Variants in IL1RAPL1 observed in about 807,000 individuals in gnomAD.
IL1RAPL1 encodes the protein interleukin 1 receptor accessory protein like 1, also known as interleukin-1 receptor accessory protein-like 1.
Under a neutral mutation model 48.4 loss-of-function variants are expected in IL1RAPL1, and 3 were observed. The observed-to-expected ratio is 0.06, with a 90% CI of 0.03 to 0.16. The LOEUF is 0.16. Ranked by LOEUF, IL1RAPL1 falls within the 10% of genes least tolerant of loss-of-function variation. The pLI, the probability that IL1RAPL1 is intolerant of heterozygous loss-of-function variation, is 1.00. For synonymous variants in IL1RAPL1, 185 were observed against 187.7 expected (o/e 0.99, Z 0.12); for missense variants, 349 against 530.6 (o/e 0.66, Z 3.36).
At chrX:29,674,762 C>T (rs1050996921) in intron 6 of IL1RAPL1, among the ~76,000 whole-genome samples, 5 of 111,022 alleles carry the variant, frequency 4.5e-5, no homozygotes, top group Admixed American at 3.8e-4. Context: ...TTGTTCCTCT[C>T]TTTGTGTCCA....
At chrX:29,713,128 A>G (rs923955234) in intron 6 of IL1RAPL1, among the ~76,000 whole-genome samples, 9 of 111,997 alleles carry the variant, frequency 8.0e-5, no homozygotes, top group African/African-American at 2.9e-4. Flanking sequence ...AGTACATACA[A>G]TATACAAGGT....
intron 5 of IL1RAPL1, among the ~76,000 whole-genome samples, chrX:29,517,537 C>G (rs982482475): frequency 9.0e-6 from 1 of 111,164 alleles, no homozygotes; most frequent in Admixed American, 9.6e-5. Context: ...TTGAAAGACC[C>G]TGAGACTTTA....
chrX:29,041,259 A>G (rs1474464623), intron 2 of IL1RAPL1, among the ~76,000 whole-genome samples: 1 of 111,711 alleles, frequency 9.0e-6, no homozygotes, highest in Non-Finnish European at 1.9e-5. Flanking sequence ...GCTTTCCCTG[A>G]GATCCCATGG....
At chrX:29,513,771 C>G (rs1411755200) in intron 5 of IL1RAPL1, among the ~76,000 whole-genome samples, 2 of 111,835 alleles carry the variant, frequency 1.8e-5, no homozygotes, top group Non-Finnish European at 3.8e-5. Context: ...ATAGCTGGAA[C>G]TATTTATCAG....
At chrX:29,366,717 C>T (rs1476588831) in intron 3 of IL1RAPL1, among the ~76,000 whole-genome samples, 3 of 107,679 alleles carry the variant, frequency 2.8e-5, no homozygotes, top group Non-Finnish European at 3.8e-5. Context: ...TACAGGTACC[C>T]GGCACCACGC....
chrX:28,652,473 T>A (rs764546440), intron 1 of IL1RAPL1, among the ~76,000 whole-genome samples: 6 of 111,832 alleles, frequency 5.4e-5, no homozygotes, highest in African/African-American at 1.9e-4. Context: ...GATAATAAAT[T>A]AGCATTTTAT....
rs202159955 is a variant in IL1RAPL1 at position 29,263,869 on chromosome X, C to CA, written c.83-19069_83-19068insA. On this transcript the variant is annotated intron_variant, in intron 2 of 10. Coordinates refer to ENST00000378993, the MANE Select transcript of IL1RAPL1 (RefSeq NM_014271.4). ...TCTTTCTCTCTCTCTCTCCCCCCCC[C>CA]CCGCTCTCATAGAGCAATGTTAAAC... 8.1e-3 allele frequency among the ~76,000 whole-genome samples: 813 copies of CA among 99,873 alleles called. 7 individuals are homozygous for CA. The highest frequency in any genetic ancestry group is 0.013 in the Non-Finnish European group (639 of 49,724). 86.7% of individuals were successfully genotyped at this position (99,873 alleles called of 115,157 possible).
At chrX:29,478,643 C>G (rs1379702606) in intron 5 of IL1RAPL1, among the ~76,000 whole-genome samples, 2 of 111,324 alleles carry the variant, frequency 1.8e-5, no homozygotes, top group Admixed American at 1.9e-4. Context: ...TAACCCCATC[C>G]CCTTCTTTCA....
chrX:29,267,476 C>A lies in IL1RAPL1; in HGVS notation c.83-15462C>A, dbSNP rs765777927. Among the ~76,000 whole-genome samples, 13 of 112,053 alleles carry A rather than the reference C, an allele frequency of 1.2e-4. No individual in the cohort carries two copies. The South Asian group carries it at 2.6e-3, about 22-fold the overall frequency. On this transcript the variant is annotated intron_variant, in intron 2 of 10. Coordinates refer to ENST00000378993, the MANE Select transcript of IL1RAPL1 (RefSeq NM_014271.4). ...GGTAAAAACAACACACATATACACACACAAACACATACACATACATAGCAC... is the reference window on the plus strand; with the variant it reads ...GGTAAAAACAACACACATATACACAAACAAACACATACACATACATAGCAC...
At chrX:28,890,206 G>C (rs1922739059) in intron 2 of IL1RAPL1, among the ~76,000 whole-genome samples, 1 of 111,627 alleles carries the variant, frequency 9.0e-6, no homozygotes, top group Admixed American at 9.5e-5. Context: ...ATTGTCCACA[G>C]TGTTGAAATG....
At chrX:28,638,233 G>T (rs1934488896) in intron 1 of IL1RAPL1, among the ~76,000 whole-genome samples, 6 of 111,568 alleles carry the variant, frequency 5.4e-5, no homozygotes, top group Admixed American at 4.8e-4. Flanking sequence ...TATATGCCTA[G>T]TCCAGAATTA....
intron 2 of IL1RAPL1, among the ~76,000 whole-genome samples, chrX:29,238,565 A>G (rs1314620447): frequency 1.8e-5 from 2 of 111,351 alleles, no homozygotes; most frequent in African/African-American, 6.5e-5. Flanking sequence ...TTACTCGATT[A>G]CATCTGAATC....
At chrX:28,744,666 A>G (rs758304441) in intron 1 of IL1RAPL1, among the ~76,000 whole-genome samples, 9 of 111,975 alleles carry the variant, frequency 8.0e-5, no homozygotes, top group Non-Finnish European at 1.7e-4. Flanking sequence ...GAATGATATG[A>G]TAAACGCAGC....
In IL1RAPL1 at chrX:29,336,562, G is replaced by A. The variant is rs377681709; in HGVS notation, c.362+53345G>A. Among the ~76,000 whole-genome samples the A allele has an allele frequency of 3.6e-5, 4 of 110,138 alleles. No individual in the cohort carries two copies. In the East Asian group the frequency reaches 8.5e-4, roughly 23 times the overall value. On this transcript the variant is annotated intron_variant, in intron 3 of 10. Coordinates refer to ENST00000378993, the MANE Select transcript of IL1RAPL1 (RefSeq NM_014271.4). Reference sequence around the variant, plus strand: ...GGCCAACACTCCTATGCCAAAAGACGTTAATAAGATAAAAGCATAACAGAA... The same window carrying A: ...GGCCAACACTCCTATGCCAAAAGACATTAATAAGATAAAAGCATAACAGAA...
intron 5 of IL1RAPL1, among the ~76,000 whole-genome samples, chrX:29,651,799 C>T (rs970496278): frequency 9.0e-6 from 1 of 111,573 alleles, no homozygotes; most frequent in African/African-American, 3.2e-5. Flanking sequence ...ATGACAACTA[C>T]GTGAGGTAAT....
At chrX:29,634,467 G>A (rs755218303) in intron 5 of IL1RAPL1, among the ~76,000 whole-genome samples, 98 of 111,579 alleles carry the variant, frequency 8.8e-4, no homozygotes, top group Middle Eastern at 4.6e-3. Flanking sequence ...AGGAAGTAAA[G>A]AAGCAGCCTA....
intron 2 of IL1RAPL1, among the ~76,000 whole-genome samples, chrX:29,076,806 A>ATCTATCTG (rs1927686220): frequency 1.2e-5 from 1 of 83,870 alleles, no homozygotes; most frequent in African/African-American, 4.6e-5. Context: ...CTGTCTGTCT[A>ATCTATCTG]TCTATCTATC....
intron 5 of IL1RAPL1, among the ~76,000 whole-genome samples, chrX:29,562,068 CTA>C (rs1922227130): frequency 9.7e-6 from 1 of 102,984 alleles, no homozygotes. Context: ...ATCTATCTAT[CTA>C]TCTATCTATC....
intron 6 of IL1RAPL1, among the ~76,000 whole-genome samples, chrX:29,803,375 A>ATACATGTATACACATGTATATG (rs1569174269): frequency 3.2e-4 from 27 of 84,216 alleles, no homozygotes; most frequent in Non-Finnish European, 9.4e-5. Flanking sequence ...ATATGTATAT[A>ATACATGTATACACATGTATATG]TGTATACATG....
Sources: gnomAD v4.1 joint callset for allele counts (sites outside exome capture counted in the v4.1 genomes callset) on GRCh38, gnomAD v4.1.1 for gene constraint, MANE v1.5 for transcripts, NCBI Gene and HGNC (gene_info 2026-07-23, HGNC 2026-07-21) for gene names.